ALK: variants seen among roughly 807,000 people sequenced by gnomAD.
The protein encoded by ALK is ALK receptor tyrosine kinase.
In ALK, 74 loss-of-function variants were observed where a neutral mutation model predicts 163.1. The observed-to-expected ratio is 0.45, with a 90% CI of 0.38 to 0.55. The LOEUF (loss-of-function observed/expected upper bound fraction) is 0.55, where lower values mean the gene tolerates loss of function less well. Ranked by LOEUF, ALK falls within the 20% of genes least tolerant of loss-of-function variation. The pLI is 0.00. For missense variants in ALK, 2,063 were observed against 2,105.3 expected (o/e 0.98, Z 0.39); for synonymous variants, 960 against 843.2 (o/e 1.14, Z -2.40).
At chr2:29,879,541 A>C (rs1308836817) in intron 1 of ALK, among the ~76,000 whole-genome samples, 1 of 152,188 alleles carries the variant, frequency 6.6e-6, no homozygotes, top group Non-Finnish European at 1.5e-5. Context: ...GACACCTCCC[A>C]AACAAATCCC....
intron 1 of ALK, among the ~76,000 whole-genome samples, chr2:29,734,910 T>A (rs1215443848): frequency 6.6e-6 from 1 of 152,176 alleles, no homozygotes; most frequent in African/African-American, 2.4e-5. Flanking sequence ...AGATAGATAA[T>A]CTTATACATT....
chr2:29,552,610 T>C (rs2148176290), intron 3 of ALK, among the ~76,000 whole-genome samples: 1 of 152,336 alleles, frequency 6.6e-6, no homozygotes, highest in Admixed American at 6.5e-5. Flanking sequence ...ACTAATGATG[T>C]TGAGCATATT....
At chr2:29,359,602 G>T (rs1361561570) in intron 5 of ALK, among the ~76,000 whole-genome samples, 5 of 152,192 alleles carry the variant, frequency 3.3e-5, no homozygotes, top group African/African-American at 9.7e-5. Flanking sequence ...GTAATTTATG[G>T]CTGTTCCACT....
At chr2:29,904,862 T>A (rs1204374447) in intron 1 of ALK, among the ~76,000 whole-genome samples, 1 of 152,182 alleles carries the variant, frequency 6.6e-6, no homozygotes, top group Non-Finnish European at 1.5e-5. Flanking sequence ...CTGTTCCTGA[T>A]GATAATTGAG....
chr2:29,606,504 A>C (rs975228038), intron 3 of ALK, among the ~76,000 whole-genome samples: 1 of 152,224 alleles, frequency 6.6e-6, no homozygotes, highest in Non-Finnish European at 1.5e-5. Flanking sequence ...GCCCCTGCCA[A>C]AGAGAGGTAA....
intron 4 of ALK, among the ~76,000 whole-genome samples, chr2:29,447,226 G>C (rs1670707341): frequency 6.6e-6 from 1 of 152,120 alleles, no homozygotes. Context: ...CTTCCAGCCA[G>C]AGTCTCCTCC....
chr2:29,216,279 G>T (rs568407178), intron 23 of ALK, among the ~76,000 whole-genome samples: 1 of 152,162 alleles, frequency 6.6e-6, no homozygotes, highest in Non-Finnish European at 1.5e-5. Context: ...ATGGAAGAGC[G>T]AAATATCTTT....
At chr2:29,401,141 G>T (rs971102070) in intron 4 of ALK, among the ~76,000 whole-genome samples, 14 of 152,080 alleles carry the variant, frequency 9.2e-5, no homozygotes, top group Non-Finnish European at 2.1e-4. Flanking sequence ...CCCACCCTCA[G>T]CTCCTGTCTC....
intron 11 of ALK, among the ~76,000 whole-genome samples, chr2:29,264,864 G>C (rs1364190864): frequency 1.3e-5 from 2 of 152,042 alleles, no homozygotes; most frequent in Non-Finnish European, 2.9e-5. Flanking sequence ...ATTTTGTTTT[G>C]TCTCTTACGC....
chr2:29,803,148 G>C (rs1052634547), intron 1 of ALK, among the ~76,000 whole-genome samples: 2 of 152,092 alleles, frequency 1.3e-5, no homozygotes, highest in Admixed American at 6.5e-5. Context: ...TTCTCAATGA[G>C]CTGTGTCTAT....
At chr2:29,719,363 T>A (rs1350979450) in intron 1 of ALK, among the ~76,000 whole-genome samples, 1 of 152,200 alleles carries the variant, frequency 6.6e-6, no homozygotes, top group African/African-American at 2.4e-5. Flanking sequence ...GGAAATGCAC[T>A]GAAAGGGGTG....
At chr2:29,678,059 A>G (rs1677937951) in intron 3 of ALK, among the ~76,000 whole-genome samples, 1 of 151,964 alleles carries the variant, frequency 6.6e-6, no homozygotes, top group Non-Finnish European at 1.5e-5. Context: ...AAGTTGTCAT[A>G]TATTGTCATA....
At chr2:29,574,660 G>C (rs1471484377) in intron 3 of ALK, among the ~76,000 whole-genome samples, 1 of 152,260 alleles carries the variant, frequency 6.6e-6, no homozygotes, top group African/African-American at 2.4e-5. Context: ...GTGCAGGCAG[G>C]AATGGGTACA....
At chr2:29,506,465 G>T (rs4665462) in intron 4 of ALK, among the ~76,000 whole-genome samples, 60,843 of 152,026 alleles carry the variant, frequency 0.4, 14,436 homozygotes, top group South Asian at 0.61. Context: ...AGCTTTAGAA[G>T]TTGAGCAGGA....
At chr2:29,662,408 C>T (rs1677377199) in intron 3 of ALK, among the ~76,000 whole-genome samples, 1 of 152,046 alleles carries the variant, frequency 6.6e-6, no homozygotes, top group African/African-American at 2.4e-5. Context: ...CTCATTTGAC[C>T]CAATTTCCTG....
chr2:29,756,137 G>A lies in ALK; in HGVS notation c.668-38440C>T, dbSNP rs530667232. Among the ~76,000 whole-genome samples, 21 of 152,262 alleles carry A rather than the reference G, an allele frequency of 1.4e-4. No homozygotes were observed. In the South Asian group the frequency reaches 2.3e-3, roughly 17 times the overall value. On this transcript the variant is annotated intron_variant, in intron 1 of 28. Coordinates refer to ENST00000389048, the MANE Select transcript of ALK (RefSeq NM_004304.5). ...TCCTTGAACATTCTGGGCCTACCCCGCCTCCAGGCCTTTGCACATGCAGTT... is the reference window on the plus strand; with the variant it reads ...TCCTTGAACATTCTGGGCCTACCCCACCTCCAGGCCTTTGCACATGCAGTT...
rs553252713 is a variant in ALK, at chr2:29,870,880, T to C, written c.667+49113A>G. Among the ~76,000 whole-genome samples, 4 of 152,344 alleles carry C rather than the reference T, an allele frequency of 2.6e-5. No homozygotes were observed. In the East Asian group the frequency reaches 7.7e-4, roughly 29 times the overall value. On this transcript the variant is annotated intron_variant, in intron 1 of 28. Coordinates refer to ENST00000389048, the MANE Select transcript of ALK (RefSeq NM_004304.5). ...GAAGATTTAGATCTCAGTTTTCCAG[T>C]AGGAACAATTAAGTGTTTTAGGTCT...
chr2:29,651,350 A>G (rs1371011383), intron 3 of ALK, among the ~76,000 whole-genome samples: 1 of 152,196 alleles, frequency 6.6e-6, no homozygotes, highest in Non-Finnish European at 1.5e-5. Flanking sequence ...ATGATACCTT[A>G]AACATTCTGT....
intron 5 of ALK, among the ~76,000 whole-genome samples, chr2:29,369,927 G>A (rs1668600931): frequency 1.3e-5 from 2 of 152,156 alleles, no homozygotes; most frequent in South Asian, 4.2e-4. Flanking sequence ...TGGAGAAAAA[G>A]GCCACATCAG....
Sources: gnomAD v4.1 joint callset for allele counts (sites outside exome capture counted in the v4.1 genomes callset) on GRCh38, gnomAD v4.1.1 for gene constraint, MANE v1.5 for transcripts, NCBI Gene and HGNC (gene_info 2026-07-23, HGNC 2026-07-21) for gene names.